The following DGKB variants were observed in gnomAD, a reference collection of about 807,000 sequenced individuals.
DGKB encodes the protein 90 kDa diacylglycerol kinase.
A neutral mutation model predicts 114.3 loss-of-function variants in DGKB; 67 were observed. The ratio of observed to expected loss-of-function variants is 0.59; its 90% confidence interval spans 0.48 to 0.72. The LOEUF (loss-of-function observed/expected upper bound fraction) is 0.72. Ranked by LOEUF, DGKB falls within the 30% of genes least tolerant of loss-of-function variation. DGKB has a pLI of 0.00. For synonymous variants in DGKB, 398 were observed against 323.1 expected (o/e 1.23, Z -2.49); for missense variants, 907 against 975.2 (o/e 0.93, Z 0.93).
At chr7:14,704,345 G>A (rs865781068) in intron 6 of DGKB, among the ~76,000 whole-genome samples, 11 of 150,804 alleles carry the variant, frequency 7.3e-5, no homozygotes, top group Non-Finnish European at 1.5e-4. Flanking sequence ...CTACGCGGGA[G>A]GCTGAGGCAG....
chr7:14,359,917 G>A (rs1815360175), intron 21 of DGKB, among the ~76,000 whole-genome samples: 1 of 152,022 alleles, frequency 6.6e-6, no homozygotes, highest in Admixed American at 6.6e-5. Flanking sequence ...AATTCCTCAA[G>A]GATCTAGCAC....
At chr7:14,325,865 C>T (rs1808618792) in intron 23 of DGKB, among the ~76,000 whole-genome samples, 1 of 152,020 alleles carries the variant, frequency 6.6e-6, no homozygotes, top group Non-Finnish European at 1.5e-5. Context: ...TTTGGATGTG[C>T]TTCAAATATT....
intron 21 of DGKB, among the ~76,000 whole-genome samples, chr7:14,388,936 T>C (rs773319268): frequency 6.6e-6 from 1 of 152,190 alleles, no homozygotes; most frequent in Non-Finnish European, 1.5e-5. Context: ...ACCCCTTTGT[T>C]AACTCATTCT....
chr7:14,529,043 T>C (rs921466677), intron 20 of DGKB, among the ~76,000 whole-genome samples: 17 of 152,000 alleles, frequency 1.1e-4, no homozygotes, highest in Non-Finnish European at 7.4e-5. Flanking sequence ...GTTGGAGTCG[T>C]TTACAAACCC....
chr7:14,817,179 A>G (rs1307326158), intron 2 of DGKB, among the ~76,000 whole-genome samples: 1 of 152,150 alleles, frequency 6.6e-6, no homozygotes, highest in Non-Finnish European at 1.5e-5. Flanking sequence ...ACTTCTGATA[A>G]TATTGCGTTA....
chr7:14,462,695 C>G (rs188738563), intron 21 of DGKB, among the ~76,000 whole-genome samples: 35 of 152,196 alleles, frequency 2.3e-4, no homozygotes, highest in African/African-American at 8.4e-4. Flanking sequence ...CAATGCTATC[C>G]CCATCAAGCA....
intron 2 of DGKB, among the ~76,000 whole-genome samples, chr7:14,785,793 A>C (rs967129264): frequency 1.3e-5 from 2 of 152,184 alleles, no homozygotes; most frequent in Non-Finnish European, 2.9e-5. Flanking sequence ...CACCACGTGA[A>C]ATTAACCATT....
At position 14,709,967 on chromosome 7, in the gene DGKB, T is replaced by TA. The variant is rs543470972; in HGVS notation, c.467-8238dup. 1.8e-3 allele frequency among the ~76,000 whole-genome samples: 224 copies of TA among 123,828 alleles called. 3 individuals carry two copies. In the South Asian group the frequency reaches 0.021, roughly 11 times the overall value. The allele number at this position is 123,828 out of a possible 152,430, so 81.2% of individuals were successfully genotyped here. On this transcript the variant is annotated intron_variant, in intron 6 of 25. Transcript: ENST00000402815. ...TGTACCCTAAAACTTAAAGTATAATTAAAAAAAAAAAAGAAAAGAAAAGAA... is the reference window on the plus strand; with the variant it reads ...TGTACCCTAAAACTTAAAGTATAATTAAAAAAAAAAAAAGAAAAGAAAAGAA...
chr7:14,923,261 A>T (rs2128247870), intron 1 of DGKB, among the ~76,000 whole-genome samples: 1 of 152,292 alleles, frequency 6.6e-6, no homozygotes, highest in East Asian at 1.9e-4. Flanking sequence ...GAATCTTTCC[A>T]AAGTTATAAA....
At chr7:14,442,843 A>T (rs999654261) in intron 21 of DGKB, among the ~76,000 whole-genome samples, 2 of 151,768 alleles carry the variant, frequency 1.3e-5, no homozygotes, top group Non-Finnish European at 2.9e-5. Flanking sequence ...ACTGTGCCCC[A>T]CTCTATGCCA....
intron 20 of DGKB, among the ~76,000 whole-genome samples, chr7:14,517,001 G>T (rs1374146823): frequency 2.0e-5 from 3 of 151,950 alleles, no homozygotes; most frequent in Non-Finnish European, 4.4e-5. Context: ...TAGTCAAGTT[G>T]ATCCTAAGCA....
At chr7:14,428,800 C>A (rs374680515) in intron 21 of DGKB, among the ~76,000 whole-genome samples, 8 of 152,038 alleles carry the variant, frequency 5.3e-5, no homozygotes, top group East Asian at 1.9e-4. Flanking sequence ...ACTGATTCAG[C>A]TAATGGCAAG....
intron 23 of DGKB, among the ~76,000 whole-genome samples, chr7:14,241,000 G>A (rs1029520560): frequency 1.3e-5 from 2 of 151,934 alleles, no homozygotes; most frequent in African/African-American, 2.4e-5. Flanking sequence ...CTGTCCTTTT[G>A]TTGACTCTCA....
At chr7:14,473,853 C>T (rs1215243586) in intron 21 of DGKB, among the ~76,000 whole-genome samples, 1 of 152,126 alleles carries the variant, frequency 6.6e-6, no homozygotes, top group Admixed American at 6.5e-5. Flanking sequence ...TTTGTTTTGG[C>T]CAATGTCTCC....
chr7:14,919,421 G>T (rs1349970700), intron 1 of DGKB, among the ~76,000 whole-genome samples: 2 of 152,132 alleles, frequency 1.3e-5, no homozygotes, highest in African/African-American at 4.8e-5. Flanking sequence ...ATATCCATAT[G>T]CAAATGTATA....
chr7:14,521,051 C>G (rs777335996), intron 20 of DGKB, among the ~76,000 whole-genome samples: 32 of 151,878 alleles, frequency 2.1e-4, no homozygotes, highest in Non-Finnish European at 4.3e-4. Context: ...TTTGTTGTTT[C>G]TGATTAGATG....
chr7:14,963,216 G>A (rs935148907), intron 1 of DGKB, among the ~76,000 whole-genome samples: 7 of 152,106 alleles, frequency 4.6e-5, no homozygotes, highest in South Asian at 4.1e-4. Flanking sequence ...CAAGAGGGGG[G>A]TTACTAAAAG....
intron 1 of DGKB, among the ~76,000 whole-genome samples, chr7:14,951,938 A>G (rs1786222147): frequency 6.6e-6 from 1 of 152,082 alleles, no homozygotes; most frequent in Non-Finnish European, 1.5e-5. Context: ...AAGATATGCT[A>G]TAGGTTAGAG....
At chr7:14,688,169 G>A (rs1051322164) in intron 9 of DGKB, among the ~76,000 whole-genome samples, 3 of 151,044 alleles carry the variant, frequency 2.0e-5, no homozygotes, top group African/African-American at 7.3e-5. Flanking sequence ...GAAAGAATCT[G>A]TCCCTTCTTT....
Sources: allele counts gnomAD v4.1 joint callset (sites outside exome capture counted in the v4.1 genomes callset), GRCh38; gene constraint gnomAD v4.1.1; transcripts MANE v1.5; gene names NCBI Gene and HGNC (gene_info 2026-07-23, HGNC 2026-07-21).